ITGA2: variants seen among roughly 807,000 people sequenced by gnomAD.
ITGA2 encodes integrin subunit alpha 2.
Under a neutral mutation model 146.3 loss-of-function variants are expected in ITGA2, and 101 were observed. The observed-to-expected ratio is 0.69, with a 90% CI of 0.59 to 0.81. The LOEUF (loss-of-function observed/expected upper bound fraction) is 0.81. Among genes scored for constraint, ITGA2 ranks in the 40% least tolerant of loss-of-function variants. ITGA2 has a pLI of 0.00. For synonymous variants in ITGA2, 477 were observed against 487.1 expected (o/e 0.98, Z 0.27); for missense variants, 1,281 against 1,402.7 (o/e 0.91, Z 1.39).
At chr5:53,063,149 T>G (rs1744977019) in intron 13 of ITGA2, among the ~76,000 whole-genome samples, 1 of 151,896 alleles carries the variant, frequency 6.6e-6, no homozygotes, top group Non-Finnish European at 1.5e-5. Context: ...CCATTTTCCA[T>G]GAGAGGTCTT....
chr5:53,082,615 T>C (rs890987848), intron 26 of ITGA2, among the ~76,000 whole-genome samples: 1 of 152,030 alleles, frequency 6.6e-6, no homozygotes, highest in Non-Finnish European at 1.5e-5. Context: ...TCCCCCACTA[T>C]CAAAATCCCG....
intron 1 of ITGA2, among the ~76,000 whole-genome samples, chr5:52,995,449 G>T (rs35234): frequency 0.13 from 20,482 of 151,954 alleles, 1,531 homozygotes; most frequent in South Asian, 0.19. Context: ...TATTGGAAAG[G>T]CATTAAAGAA....
chr5:52,998,493 G>A (rs1202592709), intron 1 of ITGA2, among the ~76,000 whole-genome samples: 1 of 152,000 alleles, frequency 6.6e-6, no homozygotes, highest in Middle Eastern at 3.2e-3. Context: ...AAAAAAGGCA[G>A]AGTCCCATGA....
intron 3 of ITGA2, 80 bp downstream of exon 3, chr5:53,042,301 G>GA: frequency 4.2e-6 from 4 of 959,516 alleles, no homozygotes; most frequent in Non-Finnish European, 5.1e-6. Flanking sequence ...TCATTGTTCT[G>GA]TCTTAAAGAA....
At position 53,048,453 on chromosome 5, in the gene ITGA2, G is replaced by A; in HGVS notation, c.478G>A (p.Ala160Thr). The A allele has an allele frequency of 6.2e-7, 1 of 1,614,060 alleles. No homozygotes were observed. Among genetic ancestry groups the A allele is most frequent in the Non-Finnish European group, 8.5e-7 (1 of 1,179,974 alleles). Residue 160 changes from alanine to threonine, a missense_variant, in exon 5 of 30, where the codon GCC becomes ACC. Transcript: ENST00000296585. The part of the protein sequence containing the change: ...SDISPDFQLS[A>T]SFSPATQPCP... ...CATCAGTCCTGATTTTCAGCTCTCA[G>A]CCAGCTTCTCACCTGCAACTCAGCG...
chr5:53,014,766 C>G (rs1742318988), intron 1 of ITGA2, among the ~76,000 whole-genome samples: 1 of 151,990 alleles, frequency 6.6e-6, no homozygotes, highest in African/African-American at 2.4e-5. Context: ...ATTACTCATT[C>G]AATTTCAAAA....
intron 1 of ITGA2, among the ~76,000 whole-genome samples, chr5:53,012,760 T>C (rs561103491): frequency 2.0e-5 from 3 of 149,496 alleles, no homozygotes; most frequent in Non-Finnish European, 4.4e-5. Context: ...CTCACCAGCA[T>C]GTTATTTTTT....
At chr5:53,068,844 C>G (rs536552722) in intron 16 of ITGA2, among the ~76,000 whole-genome samples, 1 of 148,814 alleles carries the variant, frequency 6.7e-6, no homozygotes, top group Admixed American at 6.7e-5. Flanking sequence ...GCCCATGAAG[C>G]GATGTATCAT....
chr5:53,017,139 G>C (rs546424147), intron 1 of ITGA2, among the ~76,000 whole-genome samples: 2 of 152,314 alleles, frequency 1.3e-5, no homozygotes, highest in East Asian at 3.9e-4. Context: ...TAGTGCTGTT[G>C]TTTGGAAGTA....
intron 23 of ITGA2, among the ~76,000 whole-genome samples, chr5:53,076,363 A>T (rs757259090): frequency 6.6e-6 from 1 of 152,060 alleles, no homozygotes; most frequent in Non-Finnish European, 1.5e-5. Context: ...GAGCAAAAAC[A>T]AAAAGGAAAA....
In ITGA2 at chr5:53,059,150, T is replaced by C. The variant is rs557725905; in HGVS notation, c.1174-724T>C. 2.0e-5 allele frequency among the ~76,000 whole-genome samples: 3 copies of C among 152,014 alleles called. No individual in the cohort carries two copies. The South Asian group carries it at 6.2e-4, about 31-fold the overall frequency. ...CTCATCCTCACCAAATCTGCCTCGT[T>C]TGATGATTTATAGCATTGAGTGTTT... On this transcript the variant is annotated intron_variant, in intron 10 of 29. Coordinates refer to ENST00000296585, the MANE Select transcript of ITGA2 (RefSeq NM_002203.4).
In ITGA2 at chr5:53,055,511, G is replaced by T. The variant is rs776262988; in HGVS notation, c.780-27G>T. On this transcript the variant is annotated intron_variant, in intron 7 of 29. Coordinates refer to ENST00000296585, the MANE Select transcript of ITGA2 (RefSeq NM_002203.4). ...TATTAACTTCATATTTTGATAGCAA[G>T]TCTTTATTTAATTTTATCTGCCACA... The T allele has an allele frequency of 3.1e-6, 5 of 1,609,364 alleles. No homozygotes were observed. The South Asian group carries it at 5.5e-5, about 18-fold the overall frequency.
At chr5:53,016,885 C>T (rs1418487639) in intron 1 of ITGA2, among the ~76,000 whole-genome samples, 1 of 151,976 alleles carries the variant, frequency 6.6e-6, no homozygotes, top group Non-Finnish European at 1.5e-5. Flanking sequence ...GCTGTTAATA[C>T]TTGTGATTGT....
chr5:53,003,764 G>C (rs1741695310), intron 1 of ITGA2, among the ~76,000 whole-genome samples: 1 of 152,134 alleles, frequency 6.6e-6, no homozygotes, highest in South Asian at 2.1e-4. Context: ...TTTAAACAAA[G>C]TAGTAACTTA....
chr5:53,029,790 T>C (rs969907353), intron 2 of ITGA2, among the ~76,000 whole-genome samples: 1 of 152,234 alleles, frequency 6.6e-6, no homozygotes, highest in Non-Finnish European at 1.5e-5. Context: ...CAACAATTAT[T>C]TGTTAAATGA....
At chr5:53,050,605 C>G (rs1488340360) in intron 6 of ITGA2, among the ~76,000 whole-genome samples, 1 of 152,182 alleles carries the variant, frequency 6.6e-6, no homozygotes, top group Non-Finnish European at 1.5e-5. Flanking sequence ...CAGAGAGCCT[C>G]TTATTGCCAT....
rs561023757 is a variant in ITGA2, at chr5:53,089,561, A to G, written c.3349-385A>G. 5.9e-4 allele frequency: 120 copies of G among 202,154 alleles called. 1 individual carries two copies. The highest frequency in any genetic ancestry group is 2.8e-3 in the African/African-American group (117 of 42,532). 12.5% of individuals were successfully genotyped at this position (202,154 alleles called of 1,614,324 possible). ...TGTTTCATCACCATGAAGTTGGGTTAAAGAGTTTCTTCGACTCCCTTCCCC... is the reference window on the plus strand; with the variant it reads ...TGTTTCATCACCATGAAGTTGGGTTGAAGAGTTTCTTCGACTCCCTTCCCC... On this transcript the variant is annotated intron_variant, in intron 28 of 29. Transcript: ENST00000296585.
Position 53,064,947 on chromosome 5 carries a change from C to T in ITGA2, c.1638C>T (p.Pro546=), listed in dbSNP as rs199602142. 408 of 1,612,724 alleles carry T rather than the reference C, an allele frequency of 2.5e-4. No individual in the cohort carries two copies. The highest frequency in any genetic ancestry group is 2.1e-4 in the Non-Finnish European group (247 of 1,179,150). Residue 546 remains proline, a synonymous_variant, in exon 14 of 30, where the codon CCC becomes CCT. Coordinates refer to ENST00000296585, the MANE Select transcript of ITGA2 (RefSeq NM_002203.4). ...ILGQHQFLEG[P]EGIENTRFGS... ...GTCAGCACCAATTTCTTGAAGGCCC[C>T]GAGGGCATTGAAAACACTCGATTTG...
chr5:53,009,262 G>A (rs1281260398), intron 1 of ITGA2, among the ~76,000 whole-genome samples: 1 of 152,052 alleles, frequency 6.6e-6, no homozygotes, highest in Non-Finnish European at 1.5e-5. Flanking sequence ...CCCCAAATAT[G>A]TCTCTATTCT....
Sources: gnomAD v4.1 joint callset for allele counts (sites outside exome capture counted in the v4.1 genomes callset) on GRCh38, gnomAD v4.1.1 for gene constraint, MANE v1.5 for transcripts, NCBI Gene and HGNC (gene_info 2026-07-23, HGNC 2026-07-21) for gene names.